GNG7: variants seen among roughly 807,000 people sequenced by gnomAD.
GNG7 encodes the protein guanine nucleotide-binding protein G(I)/G(S)/G(O) subunit gamma-7.
In GNG7, 1 loss-of-function variant was observed where a neutral mutation model predicts 4.0. The ratio of observed to expected loss-of-function variants is 0.25; its 90% CI spans 0.09 to 1.18. The LOEUF (loss-of-function observed/expected upper bound fraction) is 1.18, where lower values mean the gene tolerates loss of function less well. Among genes scored for constraint, GNG7 ranks in the 50% most tolerant of loss-of-function variants. The pLI, the probability that GNG7 is intolerant of heterozygous loss-of-function variation, is 0.50. For synonymous variants in GNG7, 34 were observed against 36.9 expected (o/e 0.92, Z 0.29); for missense variants, 86 against 91.9 (o/e 0.94, Z 0.26).
intron 3 of GNG7, among the ~76,000 whole-genome samples, chr19:2,553,993 T>TATAG (rs1979467104): frequency 1.2e-5 from 1 of 86,918 alleles, no homozygotes; most frequent in Non-Finnish European, 2.4e-5. Flanking sequence ...GTAATATATA[T>TATAG]TACACATATG....
At chr19:2,697,300 C>T (rs985018853) in intron 1 of GNG7, among the ~76,000 whole-genome samples, 3 of 152,134 alleles carry the variant, frequency 2.0e-5, no homozygotes, top group Admixed American at 1.3e-4. Flanking sequence ...GGAAGCGTCT[C>T]GGAGCTGCCC....
In GNG7 at chr19:2,661,341, A is replaced by G. The variant is rs575419757; in HGVS notation, c.-134-15061T>C. On this transcript the variant is annotated intron_variant, in intron 1 of 4. Transcript: ENST00000382159. ...GAAAGAAAGAAAGAAAGAAAGAAAG[A>G]AAGAAAGAAAGAAAGAAAGAAATGG... 7.5e-4 allele frequency among the ~76,000 whole-genome samples: 112 copies of G among 149,078 alleles called. 1 individual carries two copies. Among genetic ancestry groups the G allele is most frequent in the African/African-American group, 2.5e-3 (100 of 40,024 alleles).
At chr19:2,521,350 C>T (rs144577334) in intron 3 of GNG7, among the ~76,000 whole-genome samples, 23 of 152,236 alleles carry the variant, frequency 1.5e-4, no homozygotes, top group South Asian at 2.1e-4. Context: ...CGCAGGCTCC[C>T]GGGTGGCCTG....
chr19:2,580,000 G>A (rs1035791967), intron 2 of GNG7, among the ~76,000 whole-genome samples: 9 of 152,016 alleles, frequency 5.9e-5, no homozygotes, highest in African/African-American at 2.2e-4. Flanking sequence ...TGTCCTCCTC[G>A]GACACCTGGC....
chr19:2,626,131 G>T lies in GNG7; in HGVS notation c.-78+20093C>A, dbSNP rs1210367082. Among the ~76,000 whole-genome samples the T allele has an allele frequency of 6.6e-6, 1 of 152,142 alleles. No homozygotes were observed. The highest frequency in any genetic ancestry group is 1.5e-5 in the Non-Finnish European group (1 of 68,022). ...CCTGCAGCAACCCTGGACTGCAGGGGTGGTGATCACCCCCCATTTTACCAA... is the reference window on the plus strand; with the variant it reads ...CCTGCAGCAACCCTGGACTGCAGGGTTGGTGATCACCCCCCATTTTACCAA... On this transcript the variant is annotated intron_variant, in intron 2 of 4. Transcript: ENST00000382159. This position sits in a 1 kb window ranked among gnomAD's most constrained non-coding sequence, Gnocchi z 5.0.
intron 2 of GNG7, among the ~76,000 whole-genome samples, chr19:2,640,755 G>A (rs1982484226): frequency 1.3e-5 from 2 of 152,146 alleles, no homozygotes; most frequent in African/African-American, 2.4e-5. Context: ...AGCCTCCAGT[G>A]TAGCTGGGAC....
chr19:2,657,722 G>A (rs949874355), intron 1 of GNG7, among the ~76,000 whole-genome samples: 3 of 151,896 alleles, frequency 2.0e-5, no homozygotes, highest in Admixed American at 1.3e-4. Context: ...AAAAATTTTC[G>A]ATTTACAGAA....
intron 2 of GNG7, among the ~76,000 whole-genome samples, chr19:2,568,417 G>C (rs929217042): frequency 6.2e-4 from 87 of 140,578 alleles, no homozygotes; most frequent in Non-Finnish European, 5.2e-4. Context: ...TATACACATA[G>C]ACATACACAC....
At chr19:2,676,558 C>T (rs1469033093) in intron 1 of GNG7, among the ~76,000 whole-genome samples, 5 of 152,156 alleles carry the variant, frequency 3.3e-5, no homozygotes, top group East Asian at 1.9e-4. Context: ...ACCACAGGCG[C>T]GCACCATCAT....
intron 2 of GNG7, among the ~76,000 whole-genome samples, chr19:2,570,984 T>C (rs1416433483): frequency 6.6e-6 from 1 of 151,154 alleles, no homozygotes; most frequent in Non-Finnish European, 1.5e-5. Flanking sequence ...TTTTTTTTTT[T>C]AGAGATGGGG....
At chr19:2,568,242 C>G (rs1184829580) in intron 2 of GNG7, among the ~76,000 whole-genome samples, 2 of 151,632 alleles carry the variant, frequency 1.3e-5, no homozygotes, top group African/African-American at 4.8e-5. Flanking sequence ...TGCACATACA[C>G]ACATATAGAC....
intron 3 of GNG7, among the ~76,000 whole-genome samples, chr19:2,521,189 C>T (rs1490886571): frequency 6.6e-6 from 1 of 151,906 alleles, no homozygotes; most frequent in Non-Finnish European, 1.5e-5. Flanking sequence ...TGACGTGAAC[C>T]CGGGAGGTGG....
chr19:2,553,029 T>C (rs1979383974), intron 3 of GNG7, among the ~76,000 whole-genome samples: 1 of 145,980 alleles, frequency 6.9e-6, no homozygotes, highest in African/African-American at 2.6e-5. Flanking sequence ...GAGACAGAGA[T>C]GAGAAAAACT....
intron 1 of GNG7, among the ~76,000 whole-genome samples, chr19:2,702,316 A>C (rs1599469013): frequency 2.0e-5 from 2 of 102,090 alleles, no homozygotes; most frequent in East Asian, 3.3e-4. Context: ...ATCCTTCCCC[A>C]GCTAACCTCG....
Position 2,543,216 on chromosome 19 carries a change from GCCT to G in GNG7, c.-38+11930_-38+11932del, listed in dbSNP as rs1410991659. 6.5e-4 allele frequency among the ~76,000 whole-genome samples: 87 copies of G among 133,506 alleles called. 1 individual carries two copies. The highest frequency in any genetic ancestry group is 3.5e-4 in the Non-Finnish European group (22 of 63,582). 87.6% of individuals were successfully genotyped at this position (133,506 alleles called of 152,430 possible). ...TTCCATGTATGAGACGCCGTGCCTG[GCCT>G]CCTTTTTTTTTTTTTTTTTGACACA... On this transcript the variant is annotated intron_variant, in intron 3 of 4. Coordinates refer to ENST00000382159, the MANE Select transcript of GNG7 (RefSeq NM_052847.3).
chr19:2,619,879 G>A (rs1261456069), intron 2 of GNG7, among the ~76,000 whole-genome samples: 4 of 151,824 alleles, frequency 2.6e-5, no homozygotes, highest in Non-Finnish European at 4.4e-5. Context: ...AAAAACCGCT[G>A]AGCTGCACAT....
rs1373654285 is a variant in GNG7, at chr19:2,611,271, G to C, written c.-78+34953C>G. The C allele has an allele frequency of 6.6e-6, 1 of 152,292 alleles. No homozygotes were observed. 9.4% of individuals were successfully genotyped at this position (152,292 alleles called of 1,614,324 possible). ...CTACACGCAGACTGACTTCAGGGGCGAGGAATTCCGCCTGGCGAGCGTCTA... is the reference window on the plus strand; with the variant it reads ...CTACACGCAGACTGACTTCAGGGGCCAGGAATTCCGCCTGGCGAGCGTCTA... On this transcript the variant is annotated intron_variant, in intron 2 of 4. Coordinates refer to ENST00000382159, the MANE Select transcript of GNG7 (RefSeq NM_052847.3). The surrounding 1 kb of genome is among the most constrained non-coding windows in gnomAD (Gnocchi z 6.0).
chr19:2,581,251 CAG>C (rs1980495086), intron 2 of GNG7, among the ~76,000 whole-genome samples: 2 of 148,486 alleles, frequency 1.3e-5, no homozygotes, highest in Non-Finnish European at 3.0e-5. Flanking sequence ...CCTCCCCCAA[CAG>C]AGTTTGTCTA....
intron 3 of GNG7, among the ~76,000 whole-genome samples, chr19:2,548,513 G>T (rs1344368168): frequency 6.7e-6 from 1 of 148,732 alleles, no homozygotes; most frequent in Non-Finnish European, 1.5e-5. Flanking sequence ...ACCTAGCCAG[G>T]CCCAGTGGCT....
Sources: allele counts gnomAD v4.1 joint callset (sites outside exome capture counted in the v4.1 genomes callset), GRCh38; gene constraint gnomAD v4.1.1; non-coding constraint Gnocchi (gnomAD v3.1); transcripts MANE v1.5; gene names NCBI Gene and HGNC (gene_info 2026-07-23, HGNC 2026-07-21).